RAB11FIP3: variants seen among roughly 807,000 people sequenced by gnomAD.
RAB11FIP3 encodes rab11 family-interacting protein 3.
RAB11FIP3 carries 17 observed loss-of-function variants against 77.8 expected under a neutral mutation model. The observed-to-expected ratio is 0.22, with a 90% CI of 0.15 to 0.33. The LOEUF (loss-of-function observed/expected upper bound fraction) is 0.33, where lower values mean the gene tolerates loss of function less well. Ranked by LOEUF, RAB11FIP3 falls within the 10% of genes least tolerant of loss-of-function variation. The pLI, the probability that RAB11FIP3 is intolerant of heterozygous loss-of-function variation, is 1.00. For missense variants in RAB11FIP3, 1,005 were observed against 1,011.2 expected (o/e 0.99, Z 0.08); for synonymous variants, 437 against 448.2 (o/e 0.98, Z 0.31).
In RAB11FIP3 at chr16:462,647, C is replaced by G. The variant is rs540822408; in HGVS notation, c.808+1150C>G. Among the ~76,000 whole-genome samples the G allele has an allele frequency of 4.3e-3, 632 of 147,560 alleles. 2 individuals are homozygous for G. Among genetic ancestry groups the G allele is most frequent in the African/African-American group, 0.015 (591 of 39,354 alleles). ...CCCAGCACCATCCCTTCCCCAGCAC[C>G]ATCCCTTCCGCAGCACCGTCCCTTC... On this transcript the variant is annotated intron_variant, in intron 2 of 13. Coordinates refer to ENST00000262305, the MANE Select transcript of RAB11FIP3 (RefSeq NM_014700.4).
At chr16:482,263 C>G (rs2056057404) in intron 3 of RAB11FIP3, 1 of 629,502 alleles carries the variant, frequency 1.6e-6, no homozygotes, top group Non-Finnish European at 2.9e-6. Flanking sequence ...ACTTTGTTGG[C>G]CAGGCTGGTC....
intron 1 of RAB11FIP3, among the ~76,000 whole-genome samples, chr16:460,714 C>G (rs2055591034): frequency 6.6e-6 from 1 of 152,136 alleles, no homozygotes. Context: ...TGTAACATAT[C>G]TATGTTGGCA....
chr16:492,406 C>T (rs1241637000), intron 5 of RAB11FIP3, among the ~76,000 whole-genome samples: 2 of 143,782 alleles, frequency 1.4e-5, no homozygotes, highest in African/African-American at 2.6e-5. Flanking sequence ...CCGGGAGACC[C>T]GAGGCCGCCC....
chr16:503,777 G>A (rs1476074510), intron 7 of RAB11FIP3, among the ~76,000 whole-genome samples: 3 of 152,016 alleles, frequency 2.0e-5, no homozygotes, highest in African/African-American at 7.3e-5. Context: ...CTATTTGGGA[G>A]GCTGAGGCAG....
In RAB11FIP3 at chr16:431,843, G is replaced by A. The variant is rs28473458; in HGVS notation, c.714+5123G>A. Among the ~76,000 whole-genome samples, 521 of 151,068 alleles carry A rather than the reference G, an allele frequency of 3.4e-3. 6 individuals are homozygous for A. Among genetic ancestry groups the A allele is most frequent in the African/African-American group, 0.012 (507 of 41,136 alleles). ...GTGATCTTGGCTCGCTGCAAGCTCC[G>A]CCTCCCGGGTTTATGCCATTCTCCT... On this transcript the variant is annotated intron_variant, in intron 1 of 13. Transcript: ENST00000262305.
chr16:434,644 C>T (rs2055098209), intron 1 of RAB11FIP3, among the ~76,000 whole-genome samples: 1 of 152,020 alleles, frequency 6.6e-6, no homozygotes, highest in Admixed American at 6.6e-5. Flanking sequence ...TCTCCAACTC[C>T]TGGGCTCAAG....
At chr16:497,584 T>C in intron 6 of RAB11FIP3, 1 of 746,380 alleles carries the variant, frequency 1.3e-6, no homozygotes, top group East Asian at 8.3e-5. Flanking sequence ...TCTGCCCTGT[T>C]GTGCCGGGCG....
At chr16:442,817 C>G (rs1242121003) in intron 1 of RAB11FIP3, among the ~76,000 whole-genome samples, 1 of 152,150 alleles carries the variant, frequency 6.6e-6, no homozygotes, top group Non-Finnish European at 1.5e-5. Context: ...ACAACAGGCT[C>G]CGTGCTAGAG....
chr16:485,173 G>A (rs546300421), intron 4 of RAB11FIP3, among the ~76,000 whole-genome samples: 1 of 152,242 alleles, frequency 6.6e-6, no homozygotes, highest in East Asian at 1.9e-4. Flanking sequence ...CTGTTGTGCT[G>A]CAGAAGCAGC....
At chr16:517,592 T>C (rs2032473038) in intron 9 of RAB11FIP3, among the ~76,000 whole-genome samples, 1 of 152,042 alleles carries the variant, frequency 6.6e-6, no homozygotes, top group Admixed American at 6.6e-5. Flanking sequence ...GTGTGGTTGC[T>C]GGATGGGGTC....
At chr16:456,751 C>G (rs1453925704) in intron 1 of RAB11FIP3, among the ~76,000 whole-genome samples, 1 of 152,118 alleles carries the variant, frequency 6.6e-6, no homozygotes, top group African/African-American at 2.4e-5. Flanking sequence ...AGTGAGACTC[C>G]ATCTCAACAA....
At position 436,449 on chromosome 16, in the gene RAB11FIP3, C is replaced by T. The variant is rs117198221; in HGVS notation, c.714+9729C>T. On this transcript the variant is annotated intron_variant, in intron 1 of 13. Coordinates refer to ENST00000262305, the MANE Select transcript of RAB11FIP3 (RefSeq NM_014700.4). ...CTCAGCCTCCAGGGGCATGCCCCCA[C>T]ACCCAGCCAATGTTTCATTTATTTA... Among the ~76,000 whole-genome samples the T allele has an allele frequency of 8.6e-3, 1,302 of 152,228 alleles. 17 individuals are homozygous for T. Among genetic ancestry groups the T allele is most frequent in the Middle Eastern group, 0.031 (9 of 294 alleles).
intron 1 of RAB11FIP3, among the ~76,000 whole-genome samples, chr16:432,984 C>A: frequency 7.2e-6 from 1 of 138,444 alleles, no homozygotes; most frequent in Admixed American, 7.6e-5. Context: ...TACAGGCATA[C>A]ACTGTAATGA....
chr16:519,921 C>T (rs747060517), intron 11 of RAB11FIP3, 30 bp downstream of exon 11: 28 of 1,551,296 alleles, frequency 1.8e-5, no homozygotes, highest in Middle Eastern at 4.2e-4. Flanking sequence ...CACGCCCAGT[C>T]CTGCGCCCAG....
intron 3 of RAB11FIP3, among the ~76,000 whole-genome samples, chr16:479,400 C>T (rs2055987696): frequency 2.6e-5 from 4 of 152,110 alleles, no homozygotes; most frequent in Admixed American, 2.0e-4. Flanking sequence ...TCAAAAAAAA[C>T]ACAGCAGTAA....
intron 2 of RAB11FIP3, among the ~76,000 whole-genome samples, chr16:468,828 G>A (rs13336211): frequency 0.073 from 11,090 of 152,230 alleles, 748 homozygotes; most frequent in East Asian, 0.17. Context: ...AAACTAATAT[G>A]AGAATGGTAT....
chr16:465,683 C>T (rs2141664048), intron 2 of RAB11FIP3, among the ~76,000 whole-genome samples: 1 of 150,332 alleles, frequency 6.7e-6, no homozygotes, highest in Admixed American at 6.6e-5. Context: ...GATCTCGGCT[C>T]ACTGCAACTT....
At chr16:483,472 G>A (rs886278454) in intron 4 of RAB11FIP3, among the ~76,000 whole-genome samples, 7 of 152,142 alleles carry the variant, frequency 4.6e-5, no homozygotes, top group Admixed American at 1.3e-4. Context: ...TGACAAAGGC[G>A]GACTTTTTAT....
At chr16:489,287 C>T (rs1324510538) in intron 5 of RAB11FIP3, among the ~76,000 whole-genome samples, 3 of 152,238 alleles carry the variant, frequency 2.0e-5, no homozygotes, top group African/African-American at 7.2e-5. Flanking sequence ...GGCTCCTTTG[C>T]TGTGGGCCGT....
Sources: gnomAD v4.1 joint callset for allele counts (sites outside exome capture counted in the v4.1 genomes callset) on GRCh38, gnomAD v4.1.1 for gene constraint, MANE v1.5 for transcripts, NCBI Gene and HGNC (gene_info 2026-07-23, HGNC 2026-07-21) for gene names.